GRAMD2B: variants seen among roughly 807,000 people sequenced by gnomAD.
GRAMD2B encodes the protein GRAM domain containing 2B.
In GRAMD2B, 41 loss-of-function variants were observed where a neutral mutation model predicts 59.2. That is an observed-to-expected ratio of 0.69 (90% CI 0.54 to 0.90). The LOEUF is 0.90. GRAMD2B is among the 40% of genes least tolerant of loss of function. The probability of loss-of-function intolerance (pLI) is 0.00; values close to 1 mark genes in which losing one functional copy is unlikely to be tolerated. For missense variants in GRAMD2B, 424 were observed against 500.5 expected, an observed-to-expected ratio of 0.85 and a Z score of 1.46; for synonymous variants, 161 against 182.7, an observed-to-expected ratio of 0.88 and a Z score of 0.96.
At chr5:126,465,221 G>A (rs1768083480) in intron 1 of GRAMD2B, 1 of 1,416,434 alleles carries the variant, frequency 7.1e-7, no homozygotes, top group Non-Finnish European at 9.2e-7. Context: ...AGTGAAACAG[G>A]TGCGACCTGC....
chr5:126,487,002 A>G (rs1393793468), intron 12 of GRAMD2B, 25 bp downstream of exon 12: 2 of 1,246,198 alleles, frequency 1.6e-6, no homozygotes, highest in Admixed American at 1.7e-5. Flanking sequence ...TCTAGCTGTC[A>G]TCTGCTTGCC....
chr5:126,379,794 A>T (rs1755507129), intron 1 of GRAMD2B, among the ~76,000 whole-genome samples: 1 of 152,124 alleles, frequency 6.6e-6, no homozygotes, highest in South Asian at 2.1e-4. Context: ...TTCCTTGTAC[A>T]TTCTGGATAT....
upstream of GRAMD2B, among the ~76,000 whole-genome samples, chr5:126,370,794 G>A (rs913245735): frequency 2.0e-5 from 3 of 152,112 alleles, no homozygotes; most frequent in East Asian, 3.9e-4. Flanking sequence ...TTACTGTTTG[G>A]GTACAAGTCA....
chr5:126,393,204 C>A (rs1757001642), intron 1 of GRAMD2B, among the ~76,000 whole-genome samples: 1 of 152,152 alleles, frequency 6.6e-6, no homozygotes, highest in Non-Finnish European at 1.5e-5. Flanking sequence ...CCATCACGAC[C>A]ATCTCCCCAA....
intron 1 of GRAMD2B, among the ~76,000 whole-genome samples, chr5:126,362,258 C>A (rs1754254878): frequency 1.3e-5 from 2 of 152,132 alleles, no homozygotes; most frequent in South Asian, 2.1e-4. Context: ...TTTGGCCTGG[C>A]CTTGCTACAC....
At position 126,401,262 on chromosome 5, in the gene GRAMD2B, G is replaced by C. The variant is rs559396517; in HGVS notation, c.125+29695G>C. On this transcript the variant is annotated intron_variant, in intron 1 of 8. Coordinates refer to the GRAMD2B transcript ENST00000506445. ...TATTGAATTTTTCAGTCCAGTAATT[G>C]TGTTCAGCTCCAGAATTTGTTTGGT... is the stretch of plus-strand genomic sequence containing the variant. Among the ~76,000 whole-genome samples the C allele has an allele frequency of 4.6e-5, 7 of 152,084 alleles. No individual in the cohort carries two copies. In the South Asian group the frequency reaches 1.5e-3, roughly 32 times the overall value.
chr5:126,459,132 C>T (rs1766884032), intron 1 of GRAMD2B: 1 of 152,190 alleles, frequency 6.6e-6, no homozygotes, highest in Admixed American at 6.5e-5. Context: ...AACTGAAAGC[C>T]TTTCACATTT....
chr5:126,427,387 G>GA (rs34074218), intron 1 of GRAMD2B, among the ~76,000 whole-genome samples: 82,488 of 151,966 alleles, frequency 0.54, 22,510 homozygotes, highest in Admixed American at 0.6. Flanking sequence ...TACCCAAAAT[G>GA]ATGCTGATAT....
intron 1 of GRAMD2B, among the ~76,000 whole-genome samples, chr5:126,430,295 G>A (rs920514110): frequency 4.6e-5 from 7 of 152,068 alleles, no homozygotes; most frequent in African/African-American, 7.2e-5. Context: ...GTCACTCCAC[G>A]TATGTCAAAG....
intron 1 of GRAMD2B, among the ~76,000 whole-genome samples, chr5:126,377,477 AT>A (rs1231527606): frequency 1.3e-5 from 2 of 152,174 alleles, no homozygotes; most frequent in South Asian, 2.1e-4. Flanking sequence ...TGCAGATAGT[AT>A]TTTAACTGCA....
intron 1 of GRAMD2B, among the ~76,000 whole-genome samples, chr5:126,423,969 A>G (rs767684986): frequency 6.6e-6 from 1 of 152,240 alleles, no homozygotes; most frequent in Non-Finnish European, 1.5e-5. Context: ...AAATAAGCCT[A>G]ACCACATTGA....
upstream of GRAMD2B, among the ~76,000 whole-genome samples, chr5:126,422,464 G>A (rs887771109): frequency 6.6e-6 from 1 of 152,316 alleles, no homozygotes; most frequent in East Asian, 1.9e-4. Context: ...CTCCCAAACT[G>A]CTGGGATTAC....
chr5:126,437,405 G>A (rs1158950063), intron 1 of GRAMD2B, among the ~76,000 whole-genome samples: 1 of 152,182 alleles, frequency 6.6e-6, no homozygotes, highest in Non-Finnish European at 1.5e-5. Flanking sequence ...GCCATGGAAG[G>A]GGATTTGGGG....
chr5:126,480,000 G>A (rs1251905155), intron 6 of GRAMD2B: 2 of 153,752 alleles, frequency 1.3e-5, no homozygotes, highest in African/African-American at 4.8e-5. Context: ...GCCTATTAGA[G>A]CCACTGGGAA....
upstream of GRAMD2B, among the ~76,000 whole-genome samples, chr5:126,370,442 A>G (rs2149690093): frequency 6.6e-6 from 1 of 152,332 alleles, no homozygotes; most frequent in East Asian, 1.9e-4. Flanking sequence ...CACAAGGGGA[A>G]CAAGGAGAGA....
chr5:126,466,143 G>A, intron 2 of GRAMD2B: 1 of 1,254,782 alleles, frequency 8.0e-7, no homozygotes, highest in Non-Finnish European at 1.1e-6. Flanking sequence ...AACAGTGTGT[G>A]ATGGGTGAGT....
At chr5:126,468,850 T>A (rs1045991200) in intron 2 of GRAMD2B, among the ~76,000 whole-genome samples, 24 of 152,132 alleles carry the variant, frequency 1.6e-4, no homozygotes, top group Non-Finnish European at 2.9e-4. Context: ...CTAACTCCTA[T>A]AATATGTATT....
In GRAMD2B at chr5:126,402,785, C is replaced by A. The variant is rs544675464; in HGVS notation, c.125+31218C>A. Among the ~76,000 whole-genome samples, 39 of 152,046 alleles carry A rather than the reference C, an allele frequency of 2.6e-4. 1 individual carries two copies. Among genetic ancestry groups the A allele is most frequent in the African/African-American group, 7.7e-4 (32 of 41,496 alleles). Reference sequence around the variant, plus strand: ...CAGGCCAAGGATATTATGTAATATACAGCATATGTGTCATATTACCTTTCT... The same window carrying A: ...CAGGCCAAGGATATTATGTAATATAAAGCATATGTGTCATATTACCTTTCT... On this transcript the variant is annotated intron_variant, in intron 1 of 8. Coordinates refer to the GRAMD2B transcript ENST00000506445.
At chr5:126,442,632 T>C (rs1763498683) in intron 1 of GRAMD2B, among the ~76,000 whole-genome samples, 1 of 152,182 alleles carries the variant, frequency 6.6e-6, no homozygotes, top group African/African-American at 2.4e-5. Context: ...GTATGCATTA[T>C]AAAACTTCTA....
Sources: allele counts gnomAD v4.1 joint callset (sites outside exome capture counted in the v4.1 genomes callset), GRCh38; gene constraint gnomAD v4.1.1; transcripts MANE v1.5; gene names NCBI Gene and HGNC (gene_info 2026-07-23, HGNC 2026-07-21).